The following COL26A1 variants were observed in gnomAD, a reference collection of about 807,000 sequenced individuals.
COL26A1 encodes collagen alpha-1(XXVI) chain.
A neutral mutation model predicts 59.3 loss-of-function variants in COL26A1; 41 were observed. The ratio of observed to expected loss-of-function variants is 0.69; its 90% CI spans 0.54 to 0.90. COL26A1 has a LOEUF of 0.90. COL26A1 is among the 40% of genes least tolerant of loss of function. COL26A1 has a pLI of 0.00. For missense variants in COL26A1, 612 were observed against 602.3 expected, an observed-to-expected ratio of 1.02 and a Z score of -0.17; for synonymous variants, 266 against 256.0, an observed-to-expected ratio of 1.04 and a Z score of -0.37.
At chr7:101,422,499 G>T (rs1175929689) in intron 2 of COL26A1, among the ~76,000 whole-genome samples, 1 of 152,044 alleles carries the variant, frequency 6.6e-6, no homozygotes, top group African/African-American at 2.4e-5. Flanking sequence ...CGTCAGCAGG[G>T]AGTTTCAGAT....
chr7:101,517,520 A>T (rs1055523780), intron 3 of COL26A1, among the ~76,000 whole-genome samples: 1 of 151,878 alleles, frequency 6.6e-6, no homozygotes, highest in South Asian at 2.1e-4. Context: ...GTGCAGGGAA[A>T]CTCCCACTTA....
intron 3 of COL26A1, among the ~76,000 whole-genome samples, chr7:101,524,181 G>C (rs1795193395): frequency 6.6e-6 from 1 of 151,528 alleles, no homozygotes; most frequent in Non-Finnish European, 1.5e-5. Flanking sequence ...TGAGGCACTA[G>C]AGTTGCTTGA....
chr7:101,513,623 G>T (rs552458299), intron 3 of COL26A1, among the ~76,000 whole-genome samples: 211 of 152,262 alleles, frequency 1.4e-3, no homozygotes, highest in African/African-American at 3.7e-3. Flanking sequence ...GGGATTACAG[G>T]TGTGAGCCAC....
At position 101,397,499 on chromosome 7, in the gene COL26A1, TCTC is replaced by T. The variant is rs775024778; in HGVS notation, c.159-22475_159-22473del. On this transcript the variant is annotated intron_variant, in intron 1 of 12. Coordinates refer to ENST00000313669, the MANE Select transcript of COL26A1 (RefSeq NM_001278563.3). ...TCCTTCCTTCTCCTTTCCTTCTCCTTCTCCTTCCCTTCCCTTCCCTTCCTTCTC... is the reference window on the plus strand; with the variant it reads ...TCCTTCCTTCTCCTTTCCTTCTCCTTCTTCCCTTCCCTTCCCTTCCTTCTC... 1.2e-3 allele frequency among the ~76,000 whole-genome samples: 183 copies of T among 147,766 alleles called. 1 individual carries two copies. Among genetic ancestry groups the T allele is most frequent in the Middle Eastern group, 3.4e-3 (1 of 292 alleles).
intron 9 of COL26A1, among the ~76,000 whole-genome samples, chr7:101,549,529 C>T (rs770388720): frequency 5.3e-5 from 8 of 152,096 alleles, no homozygotes; most frequent in East Asian, 1.9e-4. Flanking sequence ...CACAGGCGCA[C>T]GCCACCACGC....
At position 101,389,760 on chromosome 7, in the gene COL26A1, G is replaced by A. The variant is rs1258023312; in HGVS notation, c.158+26570G>A. Among the ~76,000 whole-genome samples the A allele has an allele frequency of 3.3e-5, 5 of 152,006 alleles. No homozygotes were observed. In the South Asian group the frequency reaches 8.3e-4, roughly 25 times the overall value. On this transcript the variant is annotated intron_variant, in intron 1 of 12. Coordinates refer to ENST00000313669, the MANE Select transcript of COL26A1 (RefSeq NM_001278563.3). ...TAGAGACGAGGTTTCTCCATGTTGGGCAGGCTGGTCTCGAACTCCCAACCT... is the reference window on the plus strand; with the variant it reads ...TAGAGACGAGGTTTCTCCATGTTGGACAGGCTGGTCTCGAACTCCCAACCT...
chr7:101,365,301 T>A (rs185145212), intron 1 of COL26A1, among the ~76,000 whole-genome samples: 28 of 152,316 alleles, frequency 1.8e-4, no homozygotes, highest in African/African-American at 6.3e-4. Context: ...TCTAGGTAGA[T>A]AAATGCCTGA....
intron 3 of COL26A1, among the ~76,000 whole-genome samples, chr7:101,454,085 T>C (rs1476653): frequency 0.63 from 95,537 of 151,954 alleles, 31,527 homozygotes; most frequent in African/African-American, 0.84. Flanking sequence ...GGGTAACCCC[T>C]AAATCAATAA....
intron 3 of COL26A1, among the ~76,000 whole-genome samples, chr7:101,516,760 G>A (rs538630759): frequency 1.3e-4 from 20 of 152,256 alleles, no homozygotes; most frequent in African/African-American, 3.9e-4. Context: ...TCGGGGGCAG[G>A]GCCCAGAGAG....
intron 1 of COL26A1, among the ~76,000 whole-genome samples, chr7:101,413,996 GCAGA>G (rs1281052582): frequency 2.0e-5 from 3 of 152,204 alleles, no homozygotes; most frequent in Admixed American, 2.0e-4. Flanking sequence ...CCACCAGACA[GCAGA>G]CAGAGGCAGA....
intron 7 of COL26A1, among the ~76,000 whole-genome samples, chr7:101,546,457 C>T (rs985040658): frequency 2.0e-5 from 3 of 149,546 alleles, no homozygotes; most frequent in African/African-American, 7.4e-5. Context: ...CCAGGCTGGT[C>T]TGGAGATGTG....
At chr7:101,418,699 C>T (rs1280912943) in intron 1 of COL26A1, among the ~76,000 whole-genome samples, 1 of 151,828 alleles carries the variant, frequency 6.6e-6, no homozygotes, top group Admixed American at 6.6e-5. Flanking sequence ...CTCCTGGGCT[C>T]AAGTGATCCA....
Position 101,557,631 on chromosome 7 carries a change from C to T in COL26A1, c.*101C>T. The T allele has an allele frequency of 3.3e-6, 4 of 1,226,618 alleles. No homozygotes were observed. Among genetic ancestry groups the T allele is most frequent in the Non-Finnish European group, 4.5e-6 (4 of 894,170 alleles). The allele number at this position is 1,226,618 out of a possible 1,614,324, so 76.0% of individuals were successfully genotyped here. On this transcript the variant is annotated 3_prime_UTR_variant, in exon 13 of 13. Coordinates refer to ENST00000313669, the MANE Select transcript of COL26A1 (RefSeq NM_001278563.3). Reference sequence around the variant, plus strand: ...AGATGCCCCCAGGGGAACTGGGCTCCAGGCATGGATGATTGTGAGGACATG... The same window carrying T: ...AGATGCCCCCAGGGGAACTGGGCTCTAGGCATGGATGATTGTGAGGACATG...
At chr7:101,519,218 C>G (rs1404259943) in intron 3 of COL26A1, among the ~76,000 whole-genome samples, 1 of 152,190 alleles carries the variant, frequency 6.6e-6, no homozygotes, top group African/African-American at 2.4e-5. Context: ...GCTCATGCAC[C>G]TTTTTGGGAG....
chr7:101,504,525 A>G (rs1031462455), intron 3 of COL26A1, among the ~76,000 whole-genome samples: 2 of 152,106 alleles, frequency 1.3e-5, no homozygotes, highest in Non-Finnish European at 2.9e-5. Flanking sequence ...TCTCCACTCC[A>G]GAGGCACCAG....
intron 1 of COL26A1, among the ~76,000 whole-genome samples, chr7:101,397,611 A>AGT (rs1218785901): frequency 1.8e-4 from 26 of 144,992 alleles, no homozygotes; most frequent in African/African-American, 6.3e-4. Flanking sequence ...GTCATAGCTC[A>AGT]GTGCAGCCTC....
At chr7:101,425,953 A>C (rs1002651769) in intron 2 of COL26A1, among the ~76,000 whole-genome samples, 7 of 150,286 alleles carry the variant, frequency 4.7e-5, no homozygotes, top group South Asian at 4.2e-4. Context: ...CAGACTTCTG[A>C]GTAGCTGGGA....
rs1387032420 is a variant in COL26A1 at position 101,400,351 on chromosome 7, C to CTTTTTTTTTTTTTTTTTTTTTTTTTTT, written c.159-19625_159-19624insTTTTTTTTTTTTTTTTTTTTTTTTTTT. Among the ~76,000 whole-genome samples the CTTTTTTTTTTTTTTTTTTTTTTTTTTT allele has an allele frequency of 3.2e-5, 4 of 123,352 alleles. 1 individual carries two copies. The highest frequency in any genetic ancestry group is 6.2e-5 in the African/African-American group (2 of 32,298). 80.9% of individuals were successfully genotyped at this position (123,352 alleles called of 152,430 possible). On this transcript the variant is annotated intron_variant, in intron 1 of 12. Coordinates refer to ENST00000313669, the MANE Select transcript of COL26A1 (RefSeq NM_001278563.3). The stretch of plus-strand genomic sequence containing the variant: ...GTCCACACTGCCTTTCTTTTTTTTC[C>CTTTTTTTTTTTTTTTTTTTTTTTTTTT]TATTTTTTTTTTTTTTTTTTTTTTT...
chr7:101,545,257 G>T, intron 6 of COL26A1, 81 bp from the exon 7 acceptor site: 1 of 1,330,880 alleles, frequency 7.5e-7, no homozygotes. Flanking sequence ...TTTCTTTCAA[G>T]GCCTCAGTTT....
Sources: allele counts gnomAD v4.1 joint callset (sites outside exome capture counted in the v4.1 genomes callset), GRCh38; gene constraint gnomAD v4.1.1; transcripts MANE v1.5; gene names NCBI Gene and HGNC (gene_info 2026-07-23, HGNC 2026-07-21).